PKHD1L1: variants seen among roughly 807,000 people sequenced by gnomAD.
The protein encoded by PKHD1L1 is PKHD1 like 1.
A neutral mutation model predicts 462.9 loss-of-function variants in PKHD1L1; 434 were observed. That is an observed-to-expected ratio of 0.94 (90% confidence interval 0.87 to 1.02). The LOEUF is 1.02. PKHD1L1 is among the 50% of genes least tolerant of loss of function. The pLI, the probability that PKHD1L1 is intolerant of heterozygous loss-of-function variation, is 0.00. For synonymous variants in PKHD1L1, 1,781 were observed against 1,750.0 expected, an observed-to-expected ratio of 1.02 and a Z score of -0.44; for missense variants, 5,202 against 5,096.1, an observed-to-expected ratio of 1.02 and a Z score of -0.63.
At chr8:109,453,305 C>G (rs1816642699) in intron 43 of PKHD1L1, among the ~76,000 whole-genome samples, 1 of 152,170 alleles carries the variant, frequency 6.6e-6, no homozygotes, top group Admixed American at 6.6e-5. Context: ...TCAGGTCTAT[C>G]CTAAATGATC....
At position 109,400,243 on chromosome 8, in the gene PKHD1L1, G is replaced by A; in HGVS notation, c.1180G>A (p.Gly394Arg). 6.2e-7 allele frequency: 1 copy of A among 1,613,618 alleles called. No homozygotes were observed. The change falls in exon 13 of 78, where the codon GGA (glycine) becomes AGA (arginine). Residue 394 changes from glycine (G) to arginine (R), a missense_variant. Coordinates refer to ENST00000378402, the MANE Select transcript of PKHD1L1 (RefSeq NM_177531.6). The part of the protein sequence containing the change: ...EQDTFVARFS[G>R]FLVAPDSDVY... ...AGACACATTTGTTGCACGCTTTAGT[G>A]GATTTTTGGTGGCTCCAGATTCTGA...
intron 30 of PKHD1L1, 76 bp downstream of exon 30, chr8:109,436,535 G>T (rs186944598): frequency 1.9e-6 from 3 of 1,560,242 alleles, no homozygotes; most frequent in Non-Finnish European, 2.6e-6. Flanking sequence ...TCAGTGGGGC[G>T]GGGGGTGAAA....
At chr8:109,418,649 C>T (rs1038079176) in intron 21 of PKHD1L1, among the ~76,000 whole-genome samples, 7 of 152,158 alleles carry the variant, frequency 4.6e-5, no homozygotes, top group Non-Finnish European at 1.0e-4. Flanking sequence ...CAATGCTGCT[C>T]CAGGGAACTT....
intron 63 of PKHD1L1, 108 bp downstream of exon 63, chr8:109,493,859 C>A: frequency 1.7e-6 from 1 of 578,652 alleles, no homozygotes; most frequent in Non-Finnish European, 2.8e-6. Flanking sequence ...CTTTTCCTTC[C>A]GGGCACTGAA....
chr8:109,456,963 C>T (rs917947062), intron 46 of PKHD1L1, among the ~76,000 whole-genome samples: 5 of 151,936 alleles, frequency 3.3e-5, no homozygotes, highest in East Asian at 3.9e-4. Context: ...ATTTTAAAAC[C>T]GAAACTACTT....
intron 11 of PKHD1L1, among the ~76,000 whole-genome samples, chr8:109,397,603 T>C (rs1385942698): frequency 6.6e-6 from 1 of 151,956 alleles, no homozygotes; most frequent in African/African-American, 2.4e-5. Flanking sequence ...GATGGGAGGA[T>C]TGCTTGAACC....
Position 109,425,093 on chromosome 8 carries a change from A to T in PKHD1L1, c.2706A>T (p.Thr902=), listed in dbSNP as rs765120097. ...MMAVSFGQII[T]HETENEFVYR... is the part of the protein sequence containing the mutation. ...TTTATTTTGGAAATTAGATAATCAC[A>T]CATGAGACAGAGAACGAGTTTGTCT... Residue 902 remains threonine, a synonymous_variant, in exon 24 of 78, where the codon ACA becomes ACT. Transcript: ENST00000378402. The T allele has an allele frequency of 6.3e-7, 1 of 1,580,794 alleles. No homozygotes were observed. Among genetic ancestry groups the T allele is most frequent in the Non-Finnish European group, 8.6e-7 (1 of 1,167,998 alleles).
rs1468017490 is a variant in PKHD1L1, at chr8:109,449,340, A to T, written c.6028A>T (p.Ser2010Cys). Residue 2010 changes from serine (S) to cysteine (C), a missense_variant and splice_region_variant, in exon 40 of 78, where the codon AGC (serine) becomes TGC (cysteine). Ser to Cys is a moderately radical substitution (Grantham distance 112). Transcript: ENST00000378402. ...TCCTTTTTATTTGTCTTCACTAGGG[A>T]GCTTTGGTGGGGGTCAAACCATGAC... ...NIQNINPSQG[S>C]FGGGQTMTVT... The T allele has an allele frequency of 1.3e-6, 2 of 1,569,838 alleles. No homozygotes were observed. The highest frequency in any genetic ancestry group is 1.7e-6 in the Non-Finnish European group (2 of 1,156,258).
In PKHD1L1 at chr8:109,442,110, A is replaced by T. The variant is rs1383568624; in HGVS notation, c.4308A>T (p.Gly1436=). ...WQTHPFLRGI[G]YRIFSVSSPG... is the part of the protein sequence containing the mutation. ...CACATCCGTTTCTTAGAGGGATAGG[A>T]TATAGGATTTTTTCTGTCTCCAGTC... Residue 1436 remains glycine (G), a synonymous_variant, in exon 35 of 78, where the codon GGA becomes GGT. Transcript: ENST00000378402. 1.9e-6 allele frequency: 3 copies of T among 1,613,466 alleles called. No homozygotes were observed. Among genetic ancestry groups the T allele is most frequent in the Admixed American group, 3.3e-5 (2 of 59,964 alleles).
At chr8:109,458,489 C>T (rs1816939816) in intron 46 of PKHD1L1, among the ~76,000 whole-genome samples, 1 of 152,084 alleles carries the variant, frequency 6.6e-6, no homozygotes, top group Admixed American at 6.6e-5. Context: ...GGTGTCATGC[C>T]TAGAAGAGCA....
chr8:109,519,950 C>G (rs1180628295), intron 73 of PKHD1L1, among the ~76,000 whole-genome samples: 2 of 151,746 alleles, frequency 1.3e-5, no homozygotes, highest in Non-Finnish European at 2.9e-5. Context: ...CTTTATGCCA[C>G]TAGAGATCTT....
At position 109,429,943 on chromosome 8, in the gene PKHD1L1, T is replaced by C. The variant is rs2130690038; in HGVS notation, c.3135T>C (p.Tyr1045=). 6.2e-7 allele frequency: 1 copy of C among 1,611,388 alleles called. No individual in the cohort carries two copies. Among genetic ancestry groups the C allele is most frequent in the Non-Finnish European group, 8.5e-7 (1 of 1,178,220 alleles). ...TPSQQPQVEV[Y]VNGIPAKCSG... is the part of the protein sequence containing the mutation. ...TTCTTTACTTGAAGGTTGAAGTCTA[T>C]GTCAATGGAATTCCAGCTAAATGTT... is the stretch of plus-strand genomic sequence containing the variant. The change falls in exon 27 of 78, where the codon TAT becomes TAC. Residue 1045 remains tyrosine, a synonymous_variant. Transcript: ENST00000378402.
intron 10 of PKHD1L1, among the ~76,000 whole-genome samples, chr8:109,395,377 T>C (rs140230981): frequency 1.3e-5 from 2 of 152,350 alleles, no homozygotes; most frequent in East Asian, 3.9e-4. Flanking sequence ...AAAGATCGTT[T>C]AGATTTCAAA....
chr8:109,479,905 T>A, intron 54 of PKHD1L1, 86 bp from the exon 55 acceptor site: 1 of 1,274,436 alleles, frequency 7.8e-7, no homozygotes, highest in Non-Finnish European at 1.1e-6. Flanking sequence ...CACTCAAAAC[T>A]AGGACTCACT....
chr8:109,512,410 A>C (rs963818296), intron 71 of PKHD1L1, among the ~76,000 whole-genome samples: 3 of 151,686 alleles, frequency 2.0e-5, no homozygotes, highest in Non-Finnish European at 4.4e-5. Flanking sequence ...AGCTTTCTAC[A>C]TATGGCTAGC....
At chr8:109,364,480 C>G in intron 1 of PKHD1L1, 67 bp from the exon 2 acceptor site, 2 of 1,120,902 alleles carry the variant, frequency 1.8e-6, no homozygotes, top group Non-Finnish European at 2.6e-6. Context: ...GTATGTGTTA[C>G]AAATTTTGAT....
In PKHD1L1 at chr8:109,404,982, A is replaced by G; in HGVS notation, c.1534-13A>G. 1.3e-5 allele frequency: 18 copies of G among 1,432,884 alleles called. No homozygotes were observed. The highest frequency in any genetic ancestry group is 1.7e-5 in the Non-Finnish European group (18 of 1,074,532). 88.8% of individuals were successfully genotyped at this position (1,432,884 alleles called of 1,614,324 possible). A position where few individuals can be genotyped will look rare whatever the true frequency, so the allele number is the denominator to read the frequency against. On this transcript the variant is annotated splice_polypyrimidine_tract_variant and intron_variant, in intron 15 of 77. Transcript: ENST00000378402. Reference sequence around the variant, plus strand: ...TTTTCATATATTAAAAATGTTTCTTAATTGGAAAATAGGTTATAACATTGG... The same window carrying G: ...TTTTCATATATTAAAAATGTTTCTTGATTGGAAAATAGGTTATAACATTGG...
chr8:109,458,824 C>T (rs566541348), intron 46 of PKHD1L1, among the ~76,000 whole-genome samples: 2 of 152,258 alleles, frequency 1.3e-5, no homozygotes, highest in African/African-American at 4.8e-5. Context: ...CATTGACACA[C>T]TTGTCTCCTT....
intron 59 of PKHD1L1, among the ~76,000 whole-genome samples, chr8:109,487,935 A>AGGAAGGAAGGAG (rs1818635604): frequency 1.1e-4 from 16 of 151,162 alleles, no homozygotes; most frequent in Admixed American, 7.9e-4. Context: ...GAAGGAAGGA[A>AGGAAGGAAGGAG]GGAAGGAAAG....
Sources: gnomAD v4.1 joint callset for allele counts (sites outside exome capture counted in the v4.1 genomes callset) on GRCh38, gnomAD v4.1.1 for gene constraint, MANE v1.5 for transcripts, NCBI Gene and HGNC (gene_info 2026-07-23, HGNC 2026-07-21) for gene names.